Variants in RIN3 observed in about 807,000 individuals in gnomAD.
RIN3 encodes the protein Ras and Rab interactor 3.
A neutral mutation model predicts 76.3 loss-of-function variants in RIN3; 54 were observed. The ratio of observed to expected loss-of-function variants is 0.71; its 90% CI spans 0.57 to 0.89. The LOEUF (loss-of-function observed/expected upper bound fraction) is 0.89, where lower values mean the gene tolerates loss of function less well. Among genes scored for constraint, RIN3 ranks in the 40% least tolerant of loss-of-function variants. The pLI is 0.00. For missense variants in RIN3, 1,256 were observed against 1,322.1 expected (o/e 0.95, Z 0.78); for synonymous variants, 576 against 564.0 (o/e 1.02, Z -0.30).
intron 8 of RIN3, among the ~76,000 whole-genome samples, chr14:92,679,215 G>C (rs1382008070): frequency 6.6e-6 from 1 of 152,222 alleles, no homozygotes; most frequent in Non-Finnish European, 1.5e-5. Context: ...TGTCAGACTT[G>C]AGTAGGCAGA....
At chr14:92,641,690 A>G (rs1405817643) in intron 5 of RIN3, among the ~76,000 whole-genome samples, 1 of 152,182 alleles carries the variant, frequency 6.6e-6, no homozygotes, top group Non-Finnish European at 1.5e-5. Flanking sequence ...CTGGCCCCTC[A>G]TCGGATGGAA....
intron 5 of RIN3, among the ~76,000 whole-genome samples, chr14:92,649,214 A>G (rs943656): frequency 0.69 from 104,286 of 152,102 alleles, 36,475 homozygotes; most frequent in Non-Finnish European, 0.77. Context: ...GTGTCCCGGC[A>G]CCAGTGGGCA....
chr14:92,661,659 C>T (rs901723967), intron 7 of RIN3, among the ~76,000 whole-genome samples: 6 of 150,808 alleles, frequency 4.0e-5, no homozygotes, highest in African/African-American at 1.2e-4. Context: ...GGGAGGCAGA[C>T]GTTGCAGTGA....
rs189219729 is a variant in RIN3, at chr14:92,656,916, C to T, written c.2027-2245C>T. ...GCTCAGAGAGGTTTGGTGACCTGGC[C>T]ATGAGGACAGAGCTGGTAGTAGAGC... On this transcript the variant is annotated intron_variant, in intron 6 of 9. Transcript: ENST00000216487. The surrounding 1 kb of genome is among the most constrained non-coding windows in gnomAD (Gnocchi z 5.2). Among the ~76,000 whole-genome samples the T allele has an allele frequency of 4.6e-5, 7 of 152,296 alleles. No homozygotes were observed. The highest frequency in any genetic ancestry group is 1.2e-4 in the African/African-American group (5 of 41,556).
chr14:92,566,541 A>T (rs1292134338), intron 2 of RIN3, among the ~76,000 whole-genome samples: 1 of 152,222 alleles, frequency 6.6e-6, no homozygotes, highest in East Asian at 1.9e-4. Flanking sequence ...AATGTGATAC[A>T]TCTCCTGAGT....
intron 3 of RIN3, among the ~76,000 whole-genome samples, chr14:92,605,719 G>T (rs1052532115): frequency 6.6e-6 from 1 of 152,184 alleles, no homozygotes; most frequent in Non-Finnish European, 1.5e-5. Flanking sequence ...TTAAAACTGG[G>T]CATATCTGAA....
At chr14:92,626,605 T>A (rs1886363446) in intron 4 of RIN3, among the ~76,000 whole-genome samples, 1 of 152,108 alleles carries the variant, frequency 6.6e-6, no homozygotes, top group Admixed American at 6.5e-5. Flanking sequence ...GAAGGATACT[T>A]AGGCTGACAA....
rs182733739 is a variant in RIN3 at position 92,654,164 on chromosome 14, A to T, written c.2026+1089A>T. Among the ~76,000 whole-genome samples the T allele has an allele frequency of 3.0e-3, 455 of 152,052 alleles. 11 individuals carry two copies. The South Asian group carries it at 0.045, about 15-fold the overall frequency. Reference sequence around the variant, plus strand: ...CCCCATCTCTACTAAAAATACAAAAATTAGCCAGGTGTGGTGGCGCATGCC... The same window carrying T: ...CCCCATCTCTACTAAAAATACAAAATTTAGCCAGGTGTGGTGGCGCATGCC... On this transcript the variant is annotated intron_variant, in intron 6 of 9. Transcript: ENST00000216487.
intron 1 of RIN3, among the ~76,000 whole-genome samples, chr14:92,533,508 C>A (rs371014073): frequency 2.6e-5 from 4 of 152,270 alleles, no homozygotes; most frequent in Non-Finnish European, 2.9e-5. Flanking sequence ...TGGTCTCTCT[C>A]TATATATATG....
chr14:92,648,331 G>A lies in RIN3; in HGVS notation c.533-3251G>A, dbSNP rs1887277913. On this transcript the variant is annotated intron_variant, in intron 5 of 9. Transcript: ENST00000216487. The surrounding 1 kb of genome is among the most constrained non-coding windows in gnomAD (Gnocchi z 4.1). ...AGCCTATTTGCCTGAACCCGTGTCTGCTCTGTTCCTGCCAAAATCCACACC... is the reference window on the plus strand; with the variant it reads ...AGCCTATTTGCCTGAACCCGTGTCTACTCTGTTCCTGCCAAAATCCACACC... Among the ~76,000 whole-genome samples the A allele has an allele frequency of 6.6e-6, 1 of 152,194 alleles. No homozygotes were observed. The highest frequency in any genetic ancestry group is 1.5e-5 in the Non-Finnish European group (1 of 68,022).
intron 1 of RIN3, among the ~76,000 whole-genome samples, chr14:92,543,618 C>CTTT (rs3033757): frequency 3.5e-5 from 3 of 84,884 alleles, no homozygotes; most frequent in African/African-American, 1.0e-4. Context: ...AAGGCTTTTG[C>CTTT]TTTTTTTTTT....
chr14:92,563,806 T>G (rs1201744441), intron 2 of RIN3, among the ~76,000 whole-genome samples: 2 of 152,214 alleles, frequency 1.3e-5, no homozygotes, highest in Non-Finnish European at 2.9e-5. Context: ...TTTCCCCATA[T>G]GTAAAATAAA....
intron 1 of RIN3, among the ~76,000 whole-genome samples, chr14:92,542,817 A>G (rs993400627): frequency 2.6e-5 from 4 of 152,232 alleles, no homozygotes; most frequent in Admixed American, 2.6e-4. Context: ...ACATGATGCC[A>G]AGTGAAAGCC....
rs1356723423 is a variant in RIN3, at chr14:92,685,140, C to G, written c.2621C>G (p.Ser874Cys). The part of the protein sequence containing the change: ...RTLNKARASR[S>C]SVQDFICVSY... The stretch of plus-strand genomic sequence containing the variant: ...CTCAACAAGGCCCGGGCCTCCCGCT[C>G]CTCCGTACAGGTGAGGCCTGAGAGC... The change falls in exon 9 of 10, where the codon TCC becomes TGC. Residue 874 changes from serine (S) to cysteine (C), a missense_variant. Physicochemically the swap from Ser to Cys is moderately radical, Grantham distance 112. Coordinates refer to ENST00000216487, the MANE Select transcript of RIN3 (RefSeq NM_024832.5). This position sits in a 1 kb window ranked among gnomAD's most constrained non-coding sequence, Gnocchi z 4.7. 6.2e-7 allele frequency: 1 copy of G among 1,611,062 alleles called. No individual in the cohort carries two copies. The highest frequency in any genetic ancestry group is 2.2e-5 in the East Asian group (1 of 44,788).
chr14:92,528,846 G>A (rs886762472), intron 1 of RIN3, among the ~76,000 whole-genome samples: 4 of 152,144 alleles, frequency 2.6e-5, no homozygotes, highest in African/African-American at 9.7e-5. Context: ...TGAGCGGTTC[G>A]CGGGACACAC....
At chr14:92,660,426 G>T (rs1887841062) in intron 7 of RIN3, among the ~76,000 whole-genome samples, 2 of 152,194 alleles carry the variant, frequency 1.3e-5, no homozygotes, top group Admixed American at 1.3e-4. Context: ...CTTGCTGAGT[G>T]GTTGGTTGGC....
Position 92,514,557 on chromosome 14 carries a change from G to C in RIN3, c.44+581G>C, listed in dbSNP as rs540681895. Among the ~76,000 whole-genome samples, 27 of 152,236 alleles carry C rather than the reference G, an allele frequency of 1.8e-4. No homozygotes were observed. The highest frequency in any genetic ancestry group is 6.5e-4 in the Admixed American group (10 of 15,290). ...CCGCCCCTCTGCCCTGGCCGTAGAC[G>C]GTGACCTTCGGACCGGCCCTGGTCG... is the stretch of plus-strand genomic sequence containing the variant. On this transcript the variant is annotated intron_variant, in intron 1 of 9. Coordinates refer to ENST00000216487, the MANE Select transcript of RIN3 (RefSeq NM_024832.5). This position sits in a 1 kb window ranked among gnomAD's most constrained non-coding sequence, Gnocchi z 7.2.
intron 4 of RIN3, among the ~76,000 whole-genome samples, chr14:92,620,610 A>C (rs1010638748): frequency 1.3e-5 from 2 of 152,240 alleles, no homozygotes; most frequent in Non-Finnish European, 2.9e-5. Context: ...AACTAAAAAA[A>C]ATCATAGTTT....
rs367810139 is a variant in RIN3, at chr14:92,662,425, C to T, written c.2335+2956C>T. Among the ~76,000 whole-genome samples the T allele has an allele frequency of 3.0e-4, 45 of 152,332 alleles. 1 individual carries two copies. The East Asian group carries it at 6.6e-3, about 22-fold the overall frequency. ...AAGAGCAAGGTCCAGGCTTCCTTGCCGGCTCTGCCGCTTCTCGGCTTGTGG... is the reference window on the plus strand; with the variant it reads ...AAGAGCAAGGTCCAGGCTTCCTTGCTGGCTCTGCCGCTTCTCGGCTTGTGG... On this transcript the variant is annotated intron_variant, in intron 7 of 9. Transcript: ENST00000216487.
Sources: gnomAD v4.1 joint callset for allele counts (sites outside exome capture counted in the v4.1 genomes callset) on GRCh38, gnomAD v4.1.1 for gene constraint, Gnocchi (gnomAD v3.1) non-coding constraint, MANE v1.5 for transcripts, NCBI Gene and HGNC (gene_info 2026-07-23, HGNC 2026-07-21) for gene names.